Variants in TEK observed in about 807,000 individuals in gnomAD.
TEK encodes the protein TEK receptor tyrosine kinase.
In TEK, 43 loss-of-function variants were observed where a neutral mutation model predicts 131.8. That is an observed-to-expected ratio of 0.33 (90% confidence interval 0.26 to 0.42). The LOEUF (loss-of-function observed/expected upper bound fraction) is 0.42. TEK is among the 10% of genes least tolerant of loss of function. The probability of loss-of-function intolerance (pLI) is 1.00; values close to 1 mark genes in which losing one functional copy is unlikely to be tolerated. For synonymous variants in TEK, 580 were observed against 491.6 expected (o/e 1.18, Z -2.38); for missense variants, 1,162 against 1,384.4 (o/e 0.84, Z 2.55).
intron 21 of TEK, among the ~76,000 whole-genome samples, chr9:27,226,903 A>G (rs970974003): frequency 2.0e-5 from 3 of 152,126 alleles, no homozygotes; most frequent in African/African-American, 7.2e-5. Context: ...TAGGTTGAGC[A>G]GATAATTTAT....
intron 10 of TEK, among the ~76,000 whole-genome samples, chr9:27,190,928 A>G (rs1023096899): frequency 1.3e-5 from 2 of 152,156 alleles, no homozygotes; most frequent in Non-Finnish European, 2.9e-5. Context: ...ACCATGAGTT[A>G]CTATCTATAT....
intron 17 of TEK, 53 bp from the exon 18 acceptor site, chr9:27,213,431 A>G: frequency 7.3e-7 from 1 of 1,363,298 alleles, no homozygotes; most frequent in South Asian, 1.2e-5. Context: ...CAAAGTTTTC[A>G]GCCCTGGGGC....
At chr9:27,210,222 C>T (rs534339777) in intron 16 of TEK, 2 of 152,092 alleles carry the variant, frequency 1.3e-5, no homozygotes, top group African/African-American at 2.4e-5. Context: ...TTCCTGAAAA[C>T]AGTAATGAGC....
At chr9:27,141,201 C>T (rs1290677625) in intron 1 of TEK, among the ~76,000 whole-genome samples, 3 of 152,050 alleles carry the variant, frequency 2.0e-5, no homozygotes, top group Non-Finnish European at 4.4e-5. Context: ...TTATTTTTTA[C>T]ACTTTCCTGT....
Position 27,109,748 on chromosome 9 carries a change from C to G in TEK, c.52+106C>G, listed in dbSNP as rs1821258554. 2.6e-6 allele frequency: 3 copies of G among 1,151,238 alleles called. No individual in the cohort carries two copies. The South Asian group carries it at 3.9e-5, about 15-fold the overall frequency. 71.3% of individuals were successfully genotyped at this position (1,151,238 alleles called of 1,614,324 possible). A position where few individuals can be genotyped will look rare whatever the true frequency, so the allele number is the denominator to read the frequency against. Reference sequence around the variant, plus strand: ...ATCAGTGCTGATGAACAAGGGGTGGCTGTAGCAAAGGCACCATTTCTCTGT... The same window carrying G: ...ATCAGTGCTGATGAACAAGGGGTGGGTGTAGCAAAGGCACCATTTCTCTGT... On this transcript the variant is annotated intron_variant, in intron 1 of 22. Coordinates refer to ENST00000380036, the MANE Select transcript of TEK (RefSeq NM_000459.5).
intron 1 of TEK, among the ~76,000 whole-genome samples, chr9:27,134,869 C>T (rs983952797): frequency 6.6e-6 from 1 of 152,152 alleles, no homozygotes; most frequent in Non-Finnish European, 1.5e-5. Flanking sequence ...TTCAGAAATA[C>T]GTATGCTGCT....
At chr9:27,164,875 G>C (rs1414187626) in intron 2 of TEK, among the ~76,000 whole-genome samples, 1 of 152,124 alleles carries the variant, frequency 6.6e-6, no homozygotes. Context: ...AACAGCACTT[G>C]GTCCATAGTA....
Position 27,229,226 on chromosome 9 carries a change from G to T in TEK, c.3369G>T (p.Ala1123=), listed in dbSNP as rs544322437. The T allele has an allele frequency of 3.1e-6, 5 of 1,613,720 alleles. No individual in the cohort carries two copies. The highest frequency in any genetic ancestry group is 3.4e-6 in the Non-Finnish European group (4 of 1,179,682). The change falls in exon 23 of 23, where the codon GCG becomes GCT. Residue 1123 remains alanine (A), a synonymous_variant. Coordinates refer to ENST00000380036, the MANE Select transcript of TEK (RefSeq NM_000459.5). ...GAATTGACTGTTCTGCTGAAGAAGC[G>T]GCCTAGGACAGAACATCTGTATACC... ...YAGIDCSAEE[A]A is the part of the protein sequence containing the mutation.
intron 11 of TEK, among the ~76,000 whole-genome samples, chr9:27,193,537 C>T (rs1395914618): frequency 6.6e-6 from 1 of 152,162 alleles, no homozygotes; most frequent in East Asian, 1.9e-4. Flanking sequence ...ACCTGACCTC[C>T]AGCTTTCTGT....
chr9:27,185,677 T>A, intron 9 of TEK, 48 bp downstream of exon 9: 1 of 1,609,970 alleles, frequency 6.2e-7, no homozygotes, highest in South Asian at 1.1e-5. Flanking sequence ...ATGCATTATG[T>A]TTTTGTATTG....
chr9:27,220,675 G>A (rs1587045821), intron 21 of TEK, among the ~76,000 whole-genome samples: 1 of 152,322 alleles, frequency 6.6e-6, no homozygotes, highest in South Asian at 2.1e-4. Context: ...CCTCACCTGG[G>A]AAGCGCAAGG....
chr9:27,212,182 G>T (rs1228575051), intron 16 of TEK, among the ~76,000 whole-genome samples: 1 of 152,104 alleles, frequency 6.6e-6, no homozygotes, highest in Non-Finnish European at 1.5e-5. Context: ...ACTTAGGATG[G>T]GTTTTGAGGA....
chr9:27,169,557 G>T lies in TEK; in HGVS notation c.556G>T (p.Ala186Ser), dbSNP rs1176335288. The change falls in exon 4 of 23, where the codon GCT becomes TCT. Residue 186 changes from alanine to serine, a missense_variant. Physicochemically the swap from Ala to Ser is moderately conservative, Grantham distance 99. Transcript: ENST00000380036. Reference sequence around the variant, plus strand: ...CCTGCCTCATGCTCAGCCCCAGGATGCTGGAGTGTACTCGGCCAGGTATAT... The same window carrying T: ...CCTGCCTCATGCTCAGCCCCAGGATTCTGGAGTGTACTCGGCCAGGTATAT... The part of the protein sequence containing the change: ...VHLPHAQPQD[A>S]GVYSARYIGG... The T allele has an allele frequency of 6.2e-7, 1 of 1,614,194 alleles. No individual in the cohort carries two copies. Among genetic ancestry groups the T allele is most frequent in the South Asian group, 1.1e-5 (1 of 91,090 alleles).
At chr9:27,228,389 G>T in intron 22 of TEK, 84 bp downstream of exon 22, 1 of 1,091,802 alleles carries the variant, frequency 9.2e-7, no homozygotes, top group East Asian at 2.5e-5. Context: ...TGAAATAATT[G>T]AAGAAGTTCT....
chr9:27,228,544 A>G (rs1587064511), intron 22 of TEK, among the ~76,000 whole-genome samples: 1 of 152,120 alleles, frequency 6.6e-6, no homozygotes, highest in East Asian at 1.9e-4. Flanking sequence ...GAATTAGCCT[A>G]TTAGAGTTGG....
rs1399737841 is a variant in TEK at position 27,206,707 on chromosome 9, T to C, written c.2490T>C (p.Ile830=). The C allele has an allele frequency of 6.2e-7, 1 of 1,614,032 alleles. No individual in the cohort carries two copies. Among genetic ancestry groups the C allele is most frequent in the Non-Finnish European group, 8.5e-7 (1 of 1,179,978 alleles). Residue 830 remains isoleucine, a synonymous_variant, in exon 15 of 23, where the codon ATT becomes ATC. Coordinates refer to ENST00000380036, the MANE Select transcript of TEK (RefSeq NM_000459.5). ...ATGACATCAAATTTCAAGATGTGAT[T>C]GGGGAGGGCAATTTTGGCCAAGTTC... ...DWNDIKFQDV[I]GEGNFGQVLK... is the part of the protein sequence containing the mutation.
At chr9:27,185,153 G>A (rs1425993107) in intron 8 of TEK, among the ~76,000 whole-genome samples, 1 of 152,096 alleles carries the variant, frequency 6.6e-6, no homozygotes, top group African/African-American at 2.4e-5. Flanking sequence ...CTCCCACGCA[G>A]CCATCTCTGT....
intron 9 of TEK, among the ~76,000 whole-genome samples, chr9:27,187,795 A>T (rs1824654433): frequency 6.6e-6 from 1 of 152,132 alleles, no homozygotes; most frequent in Admixed American, 6.6e-5. Context: ...GGGAGATTAA[A>T]TTAGGACACA....
Position 27,217,682 on chromosome 9 carries a change from C to CTCCAGGGAAG in TEK, c.2992-5_2996dup. ...GTTAAGTGAAATCTCACTTTGTTCT[C>CTCCAGGGAAG]TCCAGGGAAGGCTCCCAGTGCGCTG... is the stretch of plus-strand genomic sequence containing the variant. On this transcript the variant is annotated splice_polypyrimidine_tract_variant and splice_region_variant and intron_variant, in intron 18 of 22. Coordinates refer to ENST00000380036, the MANE Select transcript of TEK (RefSeq NM_000459.5). 1 of 1,613,560 alleles carries CTCCAGGGAAG rather than the reference C, an allele frequency of 6.2e-7. No individual in the cohort carries two copies. Among genetic ancestry groups the CTCCAGGGAAG allele is most frequent in the Non-Finnish European group, 8.5e-7 (1 of 1,179,562 alleles).
Sources: allele counts gnomAD v4.1 joint callset (sites outside exome capture counted in the v4.1 genomes callset), GRCh38; gene constraint gnomAD v4.1.1; transcripts MANE v1.5; gene names NCBI Gene and HGNC (gene_info 2026-07-23, HGNC 2026-07-21).